OPCML: variants seen among roughly 807,000 people sequenced by gnomAD.
OPCML encodes opioid-binding protein/cell adhesion molecule.
OPCML carries 13 observed loss-of-function variants against 37.8 expected under a neutral mutation model. That is an observed-to-expected ratio of 0.34 (90% confidence interval 0.22 to 0.55). The LOEUF (loss-of-function observed/expected upper bound fraction) is 0.55. Among genes scored for constraint, OPCML ranks in the 20% least tolerant of loss-of-function variants. The pLI, the probability that OPCML is intolerant of heterozygous loss-of-function variation, is 0.91. For missense variants in OPCML, 341 were observed against 435.6 expected (o/e 0.78, Z 1.93); for synonymous variants, 176 against 168.8 (o/e 1.04, Z -0.33).
intron 1 of OPCML, among the ~76,000 whole-genome samples, chr11:133,224,685 G>T (rs1207049718): frequency 6.6e-6 from 1 of 152,192 alleles, no homozygotes; most frequent in African/African-American, 2.4e-5. Context: ...TATTTCTTTT[G>T]CTGTATCATT....
intron 3 of OPCML, among the ~76,000 whole-genome samples, chr11:132,590,854 G>A (rs2096483276): frequency 6.6e-6 from 1 of 152,114 alleles, no homozygotes; most frequent in African/African-American, 2.4e-5. Context: ...TGGTTTCCTT[G>A]AAAATTTATC....
rs576100438 is a variant in OPCML at position 133,511,679 on chromosome 11, C to T, written c.61+20585G>A. On this transcript the variant is annotated intron_variant, in intron 1 of 7. Coordinates refer to ENST00000524381, the MANE Select transcript of OPCML (RefSeq NM_001012393.5). The stretch of plus-strand genomic sequence containing the variant: ...AATTGCGACTCTCTTCCCCATAATC[C>T]CATTCTCCATAGCCTGATGTACTTT... Among the ~76,000 whole-genome samples the T allele has an allele frequency of 1.2e-4, 19 of 152,250 alleles. No individual in the cohort carries two copies. In the South Asian group the frequency reaches 3.5e-3, roughly 28 times the overall value.
At chr11:132,951,459 C>A (rs1007274007) in intron 1 of OPCML, among the ~76,000 whole-genome samples, 11 of 152,192 alleles carry the variant, frequency 7.2e-5, no homozygotes, top group Non-Finnish European at 1.3e-4. Flanking sequence ...ATCCTTCTGA[C>A]CCCTTTAACT....
intron 3 of OPCML, among the ~76,000 whole-genome samples, chr11:132,647,841 AT>A (rs1331307227): frequency 1.3e-5 from 2 of 152,174 alleles, no homozygotes; most frequent in African/African-American, 4.8e-5. Context: ...ACTGAAAAAG[AT>A]TATTGACTGT....
At chr11:133,339,586 C>T (rs76150551) in intron 1 of OPCML, among the ~76,000 whole-genome samples, 56 of 152,324 alleles carry the variant, frequency 3.7e-4, no homozygotes, top group African/African-American at 1.3e-3. Context: ...TTCCATCTGG[C>T]CTGCTCTGCC....
At chr11:132,873,734 A>C (rs1591736509) in intron 2 of OPCML, among the ~76,000 whole-genome samples, 1 of 150,734 alleles carries the variant, frequency 6.6e-6, no homozygotes, top group South Asian at 2.1e-4. Flanking sequence ...AAAAAAAAGG[A>C]GGAAAGGTAA....
chr11:133,080,474 GTTTT>G (rs34982227), intron 1 of OPCML, among the ~76,000 whole-genome samples: 42 of 129,292 alleles, frequency 3.2e-4, no homozygotes, highest in African/African-American at 1.0e-3. Flanking sequence ...GTAATCAAAT[GTTTT>G]TTTTTTTTTT....
At chr11:133,445,967 G>A (rs1383258275) in intron 1 of OPCML, among the ~76,000 whole-genome samples, 1 of 152,186 alleles carries the variant, frequency 6.6e-6, no homozygotes, top group Non-Finnish European at 1.5e-5. Context: ...CAATGTGTCT[G>A]TGATTTGCAT....
intron 2 of OPCML, among the ~76,000 whole-genome samples, chr11:132,779,990 T>C (rs1422990591): frequency 6.6e-6 from 1 of 152,222 alleles, no homozygotes; most frequent in East Asian, 1.9e-4. Flanking sequence ...GAGCTGCTGC[T>C]CTGATTCTGA....
intron 1 of OPCML, among the ~76,000 whole-genome samples, chr11:133,110,797 T>C (rs946870667): frequency 1.3e-4 from 20 of 152,152 alleles, no homozygotes; most frequent in African/African-American, 4.3e-4. Context: ...CTAACAGCAT[T>C]TCCCTTTATA....
At chr11:132,676,321 G>C (rs1170019896) in intron 2 of OPCML, among the ~76,000 whole-genome samples, 1 of 152,018 alleles carries the variant, frequency 6.6e-6, no homozygotes. Flanking sequence ...AAAGGTAAAA[G>C]TTACAACTCT....
chr11:132,841,367 G>A (rs781095120), intron 2 of OPCML, among the ~76,000 whole-genome samples: 2 of 152,176 alleles, frequency 1.3e-5, no homozygotes, highest in Non-Finnish European at 2.9e-5. Flanking sequence ...GAGCAGGAGA[G>A]TAAACAGCAG....
At chr11:133,012,883 A>G (rs931745026) in intron 1 of OPCML, among the ~76,000 whole-genome samples, 2 of 151,772 alleles carry the variant, frequency 1.3e-5, no homozygotes, top group African/African-American at 4.8e-5. Flanking sequence ...AAAAAAAAAA[A>G]AAAAGAAAAA....
chr11:133,204,900 A>ATGTG (rs1938992547), intron 1 of OPCML, among the ~76,000 whole-genome samples: 1 of 134,098 alleles, frequency 7.5e-6, no homozygotes, highest in African/African-American at 2.8e-5. Context: ...ATATATATAT[A>ATGTG]TATATATATA....
chr11:132,589,415 A>G (rs1464423056), intron 3 of OPCML, among the ~76,000 whole-genome samples: 1 of 152,208 alleles, frequency 6.6e-6, no homozygotes, highest in East Asian at 1.9e-4. Context: ...TGAGAACTAG[A>G]ATTATCTAGC....
intron 1 of OPCML, among the ~76,000 whole-genome samples, chr11:133,267,826 C>A (rs969143475): frequency 2.6e-5 from 4 of 152,156 alleles, no homozygotes; most frequent in Non-Finnish European, 5.9e-5. Context: ...CTCCTGCACA[C>A]GCTCTCTTGC....
chr11:133,268,192 C>T (rs1941717995), intron 1 of OPCML, among the ~76,000 whole-genome samples: 1 of 152,198 alleles, frequency 6.6e-6, no homozygotes, highest in South Asian at 2.1e-4. Context: ...GAACTTCTTA[C>T]ATCCCACTGA....
chr11:133,131,056 C>T (rs1263596370), intron 1 of OPCML, among the ~76,000 whole-genome samples: 3 of 151,956 alleles, frequency 2.0e-5, no homozygotes, highest in East Asian at 1.9e-4. Flanking sequence ...GCCTCATGAA[C>T]GGGATTAGTG....
chr11:132,655,521 G>A lies in OPCML; in HGVS notation c.379+1566C>T, dbSNP rs180700171. Among the ~76,000 whole-genome samples, 175 of 152,370 alleles carry A rather than the reference G, an allele frequency of 1.1e-3. 1 individual carries two copies. Among genetic ancestry groups the A allele is most frequent in the Admixed American group, 0.011 (171 of 15,310 alleles). Reference sequence around the variant, plus strand: ...TGTCACTCCAGAGCTGTGGGTGGACGTGTATGGAGAGTGGAAACCCGCAGC... The same window carrying A: ...TGTCACTCCAGAGCTGTGGGTGGACATGTATGGAGAGTGGAAACCCGCAGC... On this transcript the variant is annotated intron_variant, in intron 3 of 7. Coordinates refer to ENST00000524381, the MANE Select transcript of OPCML (RefSeq NM_001012393.5).
Sources: gnomAD v4.1 joint callset for allele counts (sites outside exome capture counted in the v4.1 genomes callset) on GRCh38, gnomAD v4.1.1 for gene constraint, MANE v1.5 for transcripts, NCBI Gene and HGNC (gene_info 2026-07-23, HGNC 2026-07-21) for gene names.